The following CEP350 variants were observed in gnomAD, a reference collection of about 807,000 sequenced individuals.
The protein encoded by CEP350 is centrosomal protein 350.
A neutral mutation model predicts 331.8 loss-of-function variants in CEP350; 126 were observed. The ratio of observed to expected loss-of-function variants is 0.38; its 90% CI spans 0.33 to 0.44. CEP350 has a LOEUF of 0.44. Ranked by LOEUF, CEP350 falls within the 20% of genes least tolerant of loss-of-function variation. CEP350 has a pLI of 1.00. For synonymous variants in CEP350, 1,200 were observed against 1,259.5 expected (o/e 0.95, Z 1.00); for missense variants, 3,406 against 3,634.6 (o/e 0.94, Z 1.62).
chr1:180,021,806 A>G (rs1655342301), intron 12 of CEP350, among the ~76,000 whole-genome samples: 2 of 152,238 alleles, frequency 1.3e-5, no homozygotes, highest in Admixed American at 6.5e-5. Context: ...AACTAATTTG[A>G]ATAGCAATCA....
chr1:180,060,033 A>T (rs942216817), intron 25 of CEP350, among the ~76,000 whole-genome samples: 1 of 152,192 alleles, frequency 6.6e-6, no homozygotes, highest in Non-Finnish European at 1.5e-5. Context: ...CTAAAATATC[A>T]TTCTTTTCAC....
chr1:180,009,301 A>G (rs995819232), intron 8 of CEP350, among the ~76,000 whole-genome samples: 2 of 152,100 alleles, frequency 1.3e-5, no homozygotes, highest in Non-Finnish European at 2.9e-5. Context: ...TGAGCCACTC[A>G]CCCAGGCAAT....
At chr1:180,019,072 A>T (rs1655153612) in intron 11 of CEP350, among the ~76,000 whole-genome samples, 1 of 152,022 alleles carries the variant, frequency 6.6e-6, no homozygotes, top group Non-Finnish European at 1.5e-5. Flanking sequence ...GCCCAGGCTG[A>T]TCTCAAACTC....
chr1:180,040,110 C>T (rs1285318306), intron 17 of CEP350, among the ~76,000 whole-genome samples: 1 of 151,754 alleles, frequency 6.6e-6, no homozygotes, highest in Non-Finnish European at 1.5e-5. Flanking sequence ...TGTTCCCATA[C>T]TTTGCAGAGA....
intron 17 of CEP350, among the ~76,000 whole-genome samples, chr1:180,037,570 A>G (rs925531403): frequency 6.6e-6 from 1 of 152,208 alleles, no homozygotes; most frequent in Non-Finnish European, 1.5e-5. Context: ...TTAAACAACA[A>G]CAGCAACAAA....
intron 15 of CEP350, among the ~76,000 whole-genome samples, chr1:180,032,387 TTTTC>T (rs1656083524): frequency 6.6e-6 from 1 of 152,124 alleles, no homozygotes; most frequent in African/African-American, 2.4e-5. Context: ...ATTAAATTTT[TTTTC>T]TTTGTCAGTG....
At chr1:179,977,553 A>G (rs754034498) in intron 1 of CEP350, among the ~76,000 whole-genome samples, 4 of 152,188 alleles carry the variant, frequency 2.6e-5, no homozygotes, top group Non-Finnish European at 5.9e-5. Context: ...TATTTCTTAT[A>G]TCACTTGATG....
Position 180,043,145 on chromosome 1 carries a change from C to T in CEP350, c.4452C>T (p.His1484=). 6.2e-7 allele frequency: 1 copy of T among 1,613,774 alleles called. No homozygotes were observed. Among genetic ancestry groups the T allele is most frequent in the Non-Finnish European group, 8.5e-7 (1 of 1,179,768 alleles). Residue 1484 remains histidine (H), a synonymous_variant, in exon 20 of 38, where the codon CAC becomes CAT. Transcript: ENST00000367607. Reference sequence around the variant, plus strand: ...TACTGTATGACCACCAACGGCAGCACCTTCCAGACTTTGTGAAACAGCTGA... The same window carrying T: ...TACTGTATGACCACCAACGGCAGCATCTTCCAGACTTTGTGAAACAGCTGA... ...LAILYDHQRQ[H]LPDFVKQLRT...
Position 180,093,868 on chromosome 1 carries a change from A to T in CEP350, c.7763A>T (p.Tyr2588Phe), listed in dbSNP as rs1465275406. 6.2e-7 allele frequency: 1 copy of T among 1,613,790 alleles called. No individual in the cohort carries two copies. The highest frequency in any genetic ancestry group is 8.5e-7 in the Non-Finnish European group (1 of 1,179,878). Residue 2588 changes from tyrosine (Y) to phenylalanine (F), a missense_variant, in exon 34 of 38, where the codon TAT becomes TTT. Transcript: ENST00000367607. Reference sequence around the variant, plus strand: ...GAAGACTGTTACTCAGATGAACGATATCAGTGCTATAATCAAGAGCAAAAT... The same window carrying T: ...GAAGACTGTTACTCAGATGAACGATTTCAGTGCTATAATCAAGAGCAAAAT... ...EDEDCYSDER[Y>F]QCYNQEQNDT... is the part of the protein sequence containing the mutation.
chr1:180,056,474 CCCT>C (rs1289778015), intron 25 of CEP350, among the ~76,000 whole-genome samples: 15 of 121,366 alleles, frequency 1.2e-4, no homozygotes, highest in African/African-American at 4.4e-4. Flanking sequence ...CTCCCCCCCC[CCCT>C]TTTTTTTTTT....
At chr1:180,097,405 A>G (rs1445921743) in intron 36 of CEP350, among the ~76,000 whole-genome samples, 1 of 152,164 alleles carries the variant, frequency 6.6e-6, no homozygotes, top group Non-Finnish European at 1.5e-5. Context: ...CATTCCTTCT[A>G]CCCTTTCACA....
At chr1:179,985,595 A>G (rs1043849845) in intron 1 of CEP350, among the ~76,000 whole-genome samples, 11 of 152,194 alleles carry the variant, frequency 7.2e-5, no homozygotes, top group African/African-American at 2.7e-4. Context: ...ACAGCTCTGC[A>G]TGGCTGGGGA....
intron 1 of CEP350, among the ~76,000 whole-genome samples, chr1:179,983,028 A>C (rs1652393306): frequency 6.6e-6 from 1 of 151,804 alleles, no homozygotes; most frequent in Non-Finnish European, 1.5e-5. Context: ...TGACCTCATG[A>C]TCCACCTCCT....
At chr1:180,023,626 G>A (rs1199913933) in intron 13 of CEP350, among the ~76,000 whole-genome samples, 2 of 152,180 alleles carry the variant, frequency 1.3e-5, no homozygotes, top group Non-Finnish European at 2.9e-5. Flanking sequence ...GACTTTACCT[G>A]TATTAACTCA....
At chr1:179,965,601 T>C (rs1650943797) in intron 1 of CEP350, among the ~76,000 whole-genome samples, 1 of 146,694 alleles carries the variant, frequency 6.8e-6, no homozygotes, top group Non-Finnish European at 1.5e-5. Context: ...AGTGATCTTT[T>C]TTCTTTTTCT....
intron 1 of CEP350, among the ~76,000 whole-genome samples, chr1:179,967,989 G>C (rs895021845): frequency 2.0e-5 from 3 of 152,070 alleles, no homozygotes; most frequent in Non-Finnish European, 2.9e-5. Flanking sequence ...TGGCAAACAG[G>C]TCTGGAGCAC....
At chr1:180,040,346 C>T (rs760433185) in intron 17 of CEP350, among the ~76,000 whole-genome samples, 6 of 152,100 alleles carry the variant, frequency 3.9e-5, no homozygotes, top group Non-Finnish European at 7.3e-5. Flanking sequence ...GGTTTTCTGC[C>T]ACTTTAGAAA....
At chr1:180,018,104 C>A (rs961587701) in intron 11 of CEP350, among the ~76,000 whole-genome samples, 1 of 152,204 alleles carries the variant, frequency 6.6e-6, no homozygotes, top group African/African-American at 2.4e-5. Flanking sequence ...CTCTTGGACT[C>A]AAGTGATCCT....
intron 36 of CEP350, among the ~76,000 whole-genome samples, chr1:180,098,231 A>G (rs1036872830): frequency 6.6e-6 from 1 of 152,128 alleles, no homozygotes; most frequent in Non-Finnish European, 1.5e-5. Context: ...GGCCTTTCAA[A>G]GTGCTGGGAT....
Sources: allele counts gnomAD v4.1 joint callset (sites outside exome capture counted in the v4.1 genomes callset), GRCh38; gene constraint gnomAD v4.1.1; transcripts MANE v1.5; gene names NCBI Gene and HGNC (gene_info 2026-07-23, HGNC 2026-07-21).